LRMDA: variants seen among roughly 807,000 people sequenced by gnomAD.
LRMDA encodes the protein leucine-rich melanocyte differentiation-associated protein.
Under a neutral mutation model 29.8 loss-of-function variants are expected in LRMDA, and 18 were observed. The observed-to-expected ratio is 0.60, with a 90% confidence interval of 0.42 to 0.90. LRMDA has a LOEUF of 0.90. Ranked by LOEUF, LRMDA falls within the 40% of genes least tolerant of loss-of-function variation. LRMDA has a pLI of 0.00. For synonymous variants in LRMDA, 125 were observed against 109.4 expected (o/e 1.14, Z -0.89); for missense variants, 273 against 273.9 (o/e 1.00, Z 0.02).
intron 2 of LRMDA, among the ~76,000 whole-genome samples, chr10:75,548,111 A>C (rs753332787): frequency 2.6e-5 from 4 of 151,992 alleles, no homozygotes; most frequent in Non-Finnish European, 5.9e-5. Flanking sequence ...AAAAAAAAAA[A>C]AACACAACAC....
intron 2 of LRMDA, among the ~76,000 whole-genome samples, chr10:75,732,506 A>G (rs915835983): frequency 1.3e-5 from 2 of 152,196 alleles, no homozygotes; most frequent in Non-Finnish European, 2.9e-5. Context: ...TTGGAAGTCA[A>G]TTGCAATTTA....
intron 2 of LRMDA, among the ~76,000 whole-genome samples, chr10:75,562,465 TGG>T (rs1396337944): frequency 6.6e-6 from 1 of 152,166 alleles, no homozygotes; most frequent in Admixed American, 6.5e-5. Flanking sequence ...AGCATGCTGA[TGG>T]GTCTTGACTC....
chr10:75,685,867 T>C (rs1842075678), intron 2 of LRMDA, among the ~76,000 whole-genome samples: 1 of 152,158 alleles, frequency 6.6e-6, no homozygotes, highest in African/African-American at 2.4e-5. Context: ...AACAACATAA[T>C]AGTAGCTTGT....
intron 3 of LRMDA, among the ~76,000 whole-genome samples, chr10:76,045,048 G>C (rs764557690): frequency 7.3e-6 from 1 of 137,102 alleles, no homozygotes; most frequent in African/African-American, 2.8e-5. Flanking sequence ...ACCTTCTCTT[G>C]CTAGTTTTTC....
In LRMDA at chr10:75,780,337, T is replaced by C. The variant is rs149883133; in HGVS notation, c.132-255671T>C. On this transcript the variant is annotated intron_variant, in intron 2 of 6. Coordinates refer to ENST00000611255, the MANE Select transcript of LRMDA (RefSeq NM_001305581.2). ...CAACTGTGAGGGAGAATGTCAAATG[T>C]TGCCATCTGTGTGCCCAGGAGAAGG... Among the ~76,000 whole-genome samples, 40 of 152,350 alleles carry C rather than the reference T, an allele frequency of 2.6e-4. No individual in the cohort carries two copies. In the East Asian group the frequency reaches 7.7e-3, roughly 29 times the overall value.
intron 5 of LRMDA, among the ~76,000 whole-genome samples, chr10:76,192,127 C>T (rs1222379779): frequency 3.9e-5 from 6 of 152,150 alleles, no homozygotes; most frequent in Admixed American, 3.3e-4. Context: ...TACCAACACT[C>T]CTAAGTTAAA....
At chr10:75,612,691 A>G (rs1027362146) in intron 2 of LRMDA, among the ~76,000 whole-genome samples, 23 of 149,798 alleles carry the variant, frequency 1.5e-4, no homozygotes, top group African/African-American at 4.9e-4. Context: ...TGAGTAGTGG[A>G]TTTAGAGAGG....
chr10:76,119,803 C>T (rs891684498), intron 5 of LRMDA, among the ~76,000 whole-genome samples: 5 of 152,138 alleles, frequency 3.3e-5, no homozygotes, highest in Admixed American at 6.5e-5. Context: ...TATAATAATT[C>T]GTCATGGCTT....
In LRMDA at chr10:76,036,273, G is replaced by C. The variant is rs1044080559; in HGVS notation, c.258+139G>C. On this transcript the variant is annotated intron_variant, in intron 3 of 6. Transcript: ENST00000611255. Reference sequence around the variant, plus strand: ...AATTAAAGTATGTGAAATACAGTTCGTGGGCAGACAAAGCATTCTGTCTTC... The same window carrying C: ...AATTAAAGTATGTGAAATACAGTTCCTGGGCAGACAAAGCATTCTGTCTTC... 3 of 882,296 alleles carry C rather than the reference G, an allele frequency of 3.4e-6. No individual in the cohort carries two copies. The South Asian group carries it at 5.4e-5, about 16-fold the overall frequency. 54.7% of individuals were successfully genotyped at this position (882,296 alleles called of 1,614,324 possible).
At chr10:75,596,417 C>A (rs1430402503) in intron 2 of LRMDA, among the ~76,000 whole-genome samples, 1 of 152,192 alleles carries the variant, frequency 6.6e-6, no homozygotes, top group African/African-American at 2.4e-5. Flanking sequence ...AGTCACTTTG[C>A]CCTCATCCTT....
intron 2 of LRMDA, among the ~76,000 whole-genome samples, chr10:75,798,918 A>C (rs1057029218): frequency 1.2e-4 from 18 of 152,196 alleles, no homozygotes; most frequent in African/African-American, 4.3e-4. Flanking sequence ...AATTTAATTT[A>C]GATATTTATT....
At chr10:75,463,749 C>A (rs184186690) in intron 2 of LRMDA, among the ~76,000 whole-genome samples, 105 of 152,198 alleles carry the variant, frequency 6.9e-4, no homozygotes, top group African/African-American at 2.5e-3. Context: ...CTCACTGCAA[C>A]CTTTGCCTCC....
chr10:76,364,864 C>G (rs1180236710), intron 6 of LRMDA, among the ~76,000 whole-genome samples: 5 of 151,508 alleles, frequency 3.3e-5, no homozygotes, highest in Admixed American at 6.6e-5. Context: ...CATCCTTCCC[C>G]CCAAGTCCCC....
chr10:76,005,135 A>T (rs2132472876), intron 2 of LRMDA, among the ~76,000 whole-genome samples: 1 of 152,222 alleles, frequency 6.6e-6, no homozygotes, highest in Middle Eastern at 3.4e-3. Flanking sequence ...GTAGCATTTC[A>T]GTCTTCTTTC....
intron 2 of LRMDA, among the ~76,000 whole-genome samples, chr10:75,667,808 G>GA (rs1047258913): frequency 6.6e-6 from 1 of 152,034 alleles, no homozygotes; most frequent in African/African-American, 2.4e-5. Context: ...AATTACAGAT[G>GA]AAAAAAACGT....
Position 76,208,489 on chromosome 10 carries a change from G to A in LRMDA, c.517-115912G>A, listed in dbSNP as rs183247744. ...GCAAGGAAACATGGACCTCAATCCC[G>A]GAGCCCAGTGGAACTGAATTCTACC... On this transcript the variant is annotated intron_variant, in intron 5 of 6. Transcript: ENST00000611255. Among the ~76,000 whole-genome samples the A allele has an allele frequency of 4.9e-4, 75 of 152,260 alleles. 1 individual carries two copies. In the East Asian group the frequency reaches 9.1e-3, roughly 18 times the overall value.
intron 6 of LRMDA, among the ~76,000 whole-genome samples, chr10:76,544,333 A>G (rs1843393956): frequency 6.6e-6 from 1 of 152,150 alleles, no homozygotes; most frequent in Non-Finnish European, 1.5e-5. Context: ...AATCCTGACA[A>G]ATTCAAGCCA....
intron 5 of LRMDA, among the ~76,000 whole-genome samples, chr10:76,081,067 A>G (rs990775723): frequency 6.6e-6 from 1 of 152,194 alleles, no homozygotes; most frequent in Non-Finnish European, 1.5e-5. Flanking sequence ...GTTGTGAGAG[A>G]AATATCTGGA....
Position 75,435,066 on chromosome 10 carries a change from C to T in LRMDA, c.30+3312C>T, listed in dbSNP as rs1844248950. 2.0e-5 allele frequency among the ~76,000 whole-genome samples: 3 copies of T among 152,138 alleles called. No individual in the cohort carries two copies. In the South Asian group the frequency reaches 6.2e-4, roughly 32 times the overall value. ...ATTTGCCTGGTAATGGTGTCCCTTCCTGTTATTCCACACAGGGTGGAGGTC... is the reference window on the plus strand; with the variant it reads ...ATTTGCCTGGTAATGGTGTCCCTTCTTGTTATTCCACACAGGGTGGAGGTC... On this transcript the variant is annotated intron_variant, in intron 1 of 6. Coordinates refer to ENST00000611255, the MANE Select transcript of LRMDA (RefSeq NM_001305581.2).
Sources: gnomAD v4.1 joint callset for allele counts (sites outside exome capture counted in the v4.1 genomes callset) on GRCh38, gnomAD v4.1.1 for gene constraint, MANE v1.5 for transcripts, NCBI Gene and HGNC (gene_info 2026-07-23, HGNC 2026-07-21) for gene names.